Variants in PTPRD observed in about 807,000 individuals in gnomAD.
PTPRD encodes receptor-type tyrosine-protein phosphatase delta.
In PTPRD, 34 loss-of-function variants were observed where a neutral mutation model predicts 214.5. The observed-to-expected ratio is 0.16, with a 90% confidence interval of 0.12 to 0.21. PTPRD has a LOEUF of 0.21. Among genes scored for constraint, PTPRD ranks in the 10% least tolerant of loss-of-function variants. The pLI is 1.00. For synonymous variants in PTPRD, 1,128 were observed against 845.7 expected, an observed-to-expected ratio of 1.33 and a Z score of -5.79; for missense variants, 2,545 against 2,398.7, an observed-to-expected ratio of 1.06 and a Z score of -1.27.
chr9:8,320,483 A>T (rs1290196973), intron 44 of PTPRD, among the ~76,000 whole-genome samples: 1 of 152,112 alleles, frequency 6.6e-6, no homozygotes, highest in Non-Finnish European at 1.5e-5. Flanking sequence ...CACTGGTTTT[A>T]TTATGAGAAA....
chr9:10,248,520 AAAAAAAT>A (rs1466590549), intron 3 of PTPRD, among the ~76,000 whole-genome samples: 2,269 of 148,292 alleles, frequency 0.015, 73 homozygotes, highest in Non-Finnish European at 0.023. Context: ...GCAAAAAAAA[AAAAAAAT>A]AAAAAAAATA....
chr9:8,769,228 ATTTG>A (rs928759848), intron 11 of PTPRD, among the ~76,000 whole-genome samples: 43 of 152,208 alleles, frequency 2.8e-4, no homozygotes, highest in Non-Finnish European at 4.4e-4. Flanking sequence ...TGTGTCTAGT[ATTTG>A]TTTGAGTTCA....
chr9:8,727,537 T>G (rs574387841), intron 12 of PTPRD, among the ~76,000 whole-genome samples: 1 of 152,334 alleles, frequency 6.6e-6, no homozygotes, highest in East Asian at 1.9e-4. Context: ...GGCTACGTGT[T>G]TATCATGTAA....
intron 10 of PTPRD, among the ~76,000 whole-genome samples, chr9:9,102,993 G>A (rs2099793400): frequency 6.6e-6 from 1 of 152,152 alleles, no homozygotes; most frequent in African/African-American, 2.4e-5. Flanking sequence ...TATGGTCTCT[G>A]TGTCTTTGAT....
chr9:8,875,458 C>CAAGA (rs2098378635), intron 11 of PTPRD, among the ~76,000 whole-genome samples: 1 of 152,080 alleles, frequency 6.6e-6, no homozygotes, highest in Non-Finnish European at 1.5e-5. Context: ...ACACTTAACT[C>CAAGA]AAGACTAGCA....
At chr9:10,123,876 T>C (rs575204879) in intron 3 of PTPRD, among the ~76,000 whole-genome samples, 42 of 152,306 alleles carry the variant, frequency 2.8e-4, no homozygotes, top group Middle Eastern at 3.4e-3. Flanking sequence ...TCCATAGTGC[T>C]AAGTCCATGG....
chr9:9,541,456 G>A (rs1481445111), intron 8 of PTPRD, among the ~76,000 whole-genome samples: 1 of 151,820 alleles, frequency 6.6e-6, no homozygotes, highest in Non-Finnish European at 1.5e-5. Context: ...CTACAACCAT[G>A]TGAGAAACCT....
intron 12 of PTPRD, among the ~76,000 whole-genome samples, chr9:8,690,094 C>T (rs7042493): frequency 0.26 from 37,847 of 145,746 alleles, 5,388 homozygotes; most frequent in African/African-American, 0.38. Flanking sequence ...GGAGTTACAG[C>T]GAGACTCCAT....
At chr9:9,370,597 C>T (rs1228396973) in intron 9 of PTPRD, among the ~76,000 whole-genome samples, 5 of 150,376 alleles carry the variant, frequency 3.3e-5, no homozygotes, top group South Asian at 2.1e-4. Flanking sequence ...ATTGAATACC[C>T]TTTATTTCCT....
intron 12 of PTPRD, among the ~76,000 whole-genome samples, chr9:8,715,392 C>G (rs575932900): frequency 6.6e-6 from 1 of 152,238 alleles, no homozygotes; most frequent in East Asian, 1.9e-4. Flanking sequence ...CTACCTGTTC[C>G]CATCTTGCCA....
intron 6 of PTPRD, among the ~76,000 whole-genome samples, chr9:9,747,415 G>C (rs2098468740): frequency 6.6e-6 from 1 of 152,124 alleles, no homozygotes; most frequent in Non-Finnish European, 1.5e-5. Context: ...TAGAGTGTGT[G>C]AGCCATGCTA....
At chr9:10,140,616 C>T (rs1033126253) in intron 3 of PTPRD, among the ~76,000 whole-genome samples, 5 of 152,030 alleles carry the variant, frequency 3.3e-5, no homozygotes, top group Admixed American at 3.3e-4. Context: ...AATAGCTTAC[C>T]AACGAAAAAA....
chr9:9,484,684 A>G (rs1298944086), intron 8 of PTPRD, among the ~76,000 whole-genome samples: 1 of 152,146 alleles, frequency 6.6e-6, no homozygotes, highest in African/African-American at 2.4e-5. Context: ...GCCCATTTTT[A>G]GATGAAAACT....
intron 3 of PTPRD, among the ~76,000 whole-genome samples, chr9:10,309,741 T>C (rs1477224857): frequency 1.3e-5 from 2 of 151,914 alleles, no homozygotes; most frequent in Non-Finnish European, 2.9e-5. Context: ...ATTTTATAAA[T>C]ATAGATATAT....
chr9:9,704,394 T>A (rs938872973), intron 7 of PTPRD, among the ~76,000 whole-genome samples: 9 of 152,156 alleles, frequency 5.9e-5, no homozygotes, highest in African/African-American at 2.2e-4. Flanking sequence ...ATGCTCAGCA[T>A]CTCTAGCTAA....
chr9:8,678,258 C>T lies in PTPRD; in HGVS notation c.65-41414G>A, dbSNP rs187759400. On this transcript the variant is annotated intron_variant, in intron 12 of 45. Coordinates refer to ENST00000381196, the MANE Select transcript of PTPRD (RefSeq NM_002839.4). ...CTCCACACCACCCTCACTGTCCTTA[C>T]GACCCCGGGAGTCCTAGATTAAATG... Among the ~76,000 whole-genome samples the T allele has an allele frequency of 5.0e-4, 76 of 152,274 alleles. No homozygotes were observed. The East Asian group carries it at 9.8e-3, about 20-fold the overall frequency.
chr9:8,454,504 T>A, intron 33 of PTPRD: 1 of 1,534,158 alleles, frequency 6.5e-7, no homozygotes, highest in East Asian at 2.3e-5. Context: ...CGCCCTCCCC[T>A]CTTCAACAAC....
chr9:9,119,342 A>T lies in PTPRD; in HGVS notation c.-143+63962T>A, dbSNP rs1285473353. ...TGAGCCTTCCTTCCAATGTCTCAGAAATCTGATTTAGCAAAAATGGTGAGG... is the reference window on the plus strand; with the variant it reads ...TGAGCCTTCCTTCCAATGTCTCAGATATCTGATTTAGCAAAAATGGTGAGG... On this transcript the variant is annotated intron_variant, in intron 10 of 45. Transcript: ENST00000381196. 2.0e-5 allele frequency among the ~76,000 whole-genome samples: 3 copies of T among 151,844 alleles called. No individual in the cohort carries two copies. In the East Asian group the frequency reaches 5.8e-4, roughly 29 times the overall value.
intron 2 of PTPRD, among the ~76,000 whole-genome samples, chr9:10,542,137 T>C (rs2146091): frequency 0.19 from 28,255 of 152,086 alleles, 2,976 homozygotes; most frequent in Admixed American, 0.28. Context: ...ATATAATAAA[T>C]TTAATCAAAA....
Sources: allele counts gnomAD v4.1 joint callset (sites outside exome capture counted in the v4.1 genomes callset), GRCh38; gene constraint gnomAD v4.1.1; transcripts MANE v1.5; gene names NCBI Gene and HGNC (gene_info 2026-07-23, HGNC 2026-07-21).